Variants in EXOC1L observed in about 807,000 individuals in gnomAD.
EXOC1L encodes the protein exocyst complex component 1-like.
A neutral mutation model predicts 4.9 loss-of-function variants in EXOC1L; 10 were observed. The ratio of observed to expected loss-of-function variants is 2.02; its 90% CI spans 1.25 to 3.43. EXOC1L has a LOEUF of 3.43. EXOC1L is among the 30% of genes most tolerant of loss of function. The pLI, the probability that EXOC1L is intolerant of heterozygous loss-of-function variation, is 0.00. For synonymous variants in EXOC1L, 41 were observed against 20.8 expected (o/e 1.97, Z -2.63); for missense variants, 114 against 59.4 (o/e 1.92, Z -3.02).
intron 2 of EXOC1L, among the ~76,000 whole-genome samples, chr4:55,833,557 TCTGTAGTTTCAGGAA>T (rs2110285422): frequency 6.6e-6 from 1 of 152,070 alleles, no homozygotes; most frequent in East Asian, 1.9e-4. Context: ...AGTTCACTAA[TCTGTAGTTTCAGGAA>T]CTAGCCCCAC....
chr4:55,827,876 C>T (rs1365538739), intron 1 of EXOC1L, among the ~76,000 whole-genome samples: 2 of 152,120 alleles, frequency 1.3e-5, no homozygotes, highest in Non-Finnish European at 2.9e-5. Flanking sequence ...ACCACCTCTG[C>T]CTAACAGCTT....
At chr4:55,826,880 T>C (rs1252983935) in intron 1 of EXOC1L, among the ~76,000 whole-genome samples, 2 of 152,230 alleles carry the variant, frequency 1.3e-5, no homozygotes, top group Admixed American at 1.3e-4. Flanking sequence ...TTTTAAAGAA[T>C]GCTCTTTTAC....
At chr4:55,825,618 A>G (rs1370511065) in intron 1 of EXOC1L, among the ~76,000 whole-genome samples, 1 of 152,116 alleles carries the variant, frequency 6.6e-6, no homozygotes, top group Non-Finnish European at 1.5e-5. Context: ...TGGTGCTTCT[A>G]TTCCCACAAA....
rs149442400 is a variant in EXOC1L, at chr4:55,820,699, C to T, written c.121+552C>T. Among the ~76,000 whole-genome samples, 23 of 152,264 alleles carry T rather than the reference C, an allele frequency of 1.5e-4. No homozygotes were observed. In the East Asian group the frequency reaches 4.2e-3, roughly 28 times the overall value. On this transcript the variant is annotated intron_variant, in intron 1 of 2. Coordinates refer to ENST00000636125, the MANE Select transcript of EXOC1L (RefSeq NM_001351574.3). ...ACTTCTTTCTCTTATAGGAAGTGTG[C>T]TCACAAAAACAATACCTTAATGGTG... is the stretch of plus-strand genomic sequence containing the variant.
intron 1 of EXOC1L, among the ~76,000 whole-genome samples, chr4:55,820,417 G>T (rs999005691): frequency 1.3e-5 from 2 of 152,156 alleles, no homozygotes; most frequent in Admixed American, 6.5e-5. Flanking sequence ...TGATTATTTT[G>T]TCTCCAATCG....
intron 2 of EXOC1L, among the ~76,000 whole-genome samples, chr4:55,835,902 T>C (rs1720147803): frequency 2.0e-5 from 3 of 151,932 alleles, no homozygotes; most frequent in Admixed American, 6.6e-5. Flanking sequence ...TCACAATCTT[T>C]AGGAACTATC....
intron 2 of EXOC1L, among the ~76,000 whole-genome samples, chr4:55,834,731 A>C (rs928666907): frequency 7.7e-4 from 117 of 151,924 alleles, no homozygotes; most frequent in African/African-American, 2.1e-3. Flanking sequence ...AAAAAAAAAA[A>C]ATTGTGAATG....
intron 1 of EXOC1L, among the ~76,000 whole-genome samples, chr4:55,822,977 A>G (rs1719784474): frequency 1.6e-5 from 1 of 63,690 alleles, no homozygotes; most frequent in Non-Finnish European, 2.9e-5. Flanking sequence ...ACAAAATAGT[A>G]AACATGTGTG....
intron 1 of EXOC1L, among the ~76,000 whole-genome samples, chr4:55,822,231 G>A (rs542566832): frequency 6.6e-6 from 1 of 152,242 alleles, no homozygotes; most frequent in South Asian, 2.1e-4. Context: ...TCTCTCTTTT[G>A]CAGGGGTCTT....
chr4:55,826,959 C>T (rs780676108), intron 1 of EXOC1L, among the ~76,000 whole-genome samples: 9 of 152,150 alleles, frequency 5.9e-5, no homozygotes, highest in South Asian at 2.1e-4. Context: ...GTAGGACTCA[C>T]CTTCTTCATG....
chr4:55,827,556 A>G (rs549735656), intron 1 of EXOC1L, among the ~76,000 whole-genome samples: 1 of 152,362 alleles, frequency 6.6e-6, no homozygotes, highest in African/African-American at 2.4e-5. Context: ...TGGTACAAAA[A>G]GGGCACTCGA....
chr4:55,824,273 TCA>T (rs747727307), intron 1 of EXOC1L, among the ~76,000 whole-genome samples: 3,418 of 147,030 alleles, frequency 0.023, 46 homozygotes, highest in African/African-American at 0.032. Flanking sequence ...TCTCTCTCTC[TCA>T]CACACACACA....
chr4:55,829,944 C>G, intron 1 of EXOC1L, among the ~76,000 whole-genome samples: 1 of 152,154 alleles, frequency 6.6e-6, no homozygotes, highest in East Asian at 1.9e-4. Context: ...TAACATCAAC[C>G]AACCCATGCA....
chr4:55,820,288 T>C (rs1719706255), intron 1 of EXOC1L, 141 bp downstream of exon 1: 1 of 388,438 alleles, frequency 2.6e-6, no homozygotes, highest in Admixed American at 4.5e-5. Context: ...CTATGCCAGG[T>C]TTAAGAATTT....
intron 1 of EXOC1L, among the ~76,000 whole-genome samples, chr4:55,826,914 A>T: frequency 6.6e-6 from 1 of 152,204 alleles, no homozygotes; most frequent in Non-Finnish European, 1.5e-5. Flanking sequence ...TGTTAATGGG[A>T]CAGTGACCAT....
chr4:55,826,092 A>C lies in EXOC1L; in HGVS notation c.122-5242A>C, dbSNP rs184491425. ...AAGAGCGAAACTCCATCTCAAAAAAAAAAAAAAAAAGAAAGAAAAGAAAAA... is the reference window on the plus strand; with the variant it reads ...AAGAGCGAAACTCCATCTCAAAAAACAAAAAAAAAAGAAAGAAAAGAAAAA... On this transcript the variant is annotated intron_variant, in intron 1 of 2. Coordinates refer to ENST00000636125, the MANE Select transcript of EXOC1L (RefSeq NM_001351574.3). Among the ~76,000 whole-genome samples, 345 of 151,764 alleles carry C rather than the reference A, an allele frequency of 2.3e-3. 3 individuals are homozygous for C. The highest frequency in any genetic ancestry group is 8.0e-3 in the African/African-American group (330 of 41,480).
At chr4:55,820,550 T>C (rs1267853234) in intron 1 of EXOC1L, among the ~76,000 whole-genome samples, 1 of 152,228 alleles carries the variant, frequency 6.6e-6, no homozygotes, top group East Asian at 1.9e-4. Flanking sequence ...CAGCACCATT[T>C]GCAACTCGTC....
chr4:55,827,471 C>T (rs994475397), intron 1 of EXOC1L, among the ~76,000 whole-genome samples: 1 of 152,136 alleles, frequency 6.6e-6, no homozygotes, highest in African/African-American at 2.4e-5. Context: ...CTGAAGACCC[C>T]ACTCCCTACA....
At chr4:55,824,746 C>A (rs1248805506) in intron 1 of EXOC1L, among the ~76,000 whole-genome samples, 2 of 152,118 alleles carry the variant, frequency 1.3e-5, no homozygotes, top group Non-Finnish European at 2.9e-5. Flanking sequence ...TGATGAAGCT[C>A]CCATTTGAGT....
Sources: allele counts gnomAD v4.1 joint callset (sites outside exome capture counted in the v4.1 genomes callset), GRCh38; gene constraint gnomAD v4.1.1; transcripts MANE v1.5; gene names NCBI Gene and HGNC (gene_info 2026-07-23, HGNC 2026-07-21).